The following ZNF771 variants were observed in gnomAD, a reference collection of about 807,000 sequenced individuals.
ZNF771 encodes the protein zinc finger protein 771, also known as mesenchymal stem cell protein DSC43.
A neutral mutation model predicts 27.6 loss-of-function variants in ZNF771; 10 were observed. The ratio of observed to expected loss-of-function variants is 0.36; its 90% CI spans 0.22 to 0.61. ZNF771 has a LOEUF of 0.61. ZNF771 is among the 20% of genes least tolerant of loss of function. ZNF771 has a pLI of 0.70. For missense variants in ZNF771, 438 were observed against 503.7 expected, an observed-to-expected ratio of 0.87 and a Z score of 1.25; for synonymous variants, 261 against 225.2, an observed-to-expected ratio of 1.16 and a Z score of -1.43.
In ZNF771 at chr16:30,408,211, C is replaced by A; in HGVS notation, c.141+17C>A. 1 of 1,613,632 alleles carries A rather than the reference C, an allele frequency of 6.2e-7. No homozygotes were observed. The highest frequency in any genetic ancestry group is 8.5e-7 in the Non-Finnish European group (1 of 1,179,700). On this transcript the variant is annotated intron_variant, in intron 2 of 2. Coordinates refer to ENST00000319296, the MANE Select transcript of ZNF771 (RefSeq NM_001142305.2). ...AACAAGGAGGTATGTGTCACACACA[C>A]CCTGGGGCACACTGTCCCCAAACCT...
intron 2 of ZNF771, among the ~76,000 whole-genome samples, chr16:30,410,856 CAAAAAAAAAA>C (rs71149015): frequency 4.0e-4 from 11 of 27,388 alleles, no homozygotes; most frequent in African/African-American, 1.5e-3. Context: ...CTCATCTCTA[CAAAAAAAAAA>C]AAAAAAAAAA....
chr16:30,412,506 A>G (rs2050109421), intron 2 of ZNF771, among the ~76,000 whole-genome samples: 1 of 152,206 alleles, frequency 6.6e-6, no homozygotes, highest in South Asian at 2.1e-4. Flanking sequence ...GAATTGCATC[A>G]TGGAGGCTGG....
chr16:30,407,996 G>GGT, intron 1 of ZNF771, 49 bp from the exon 2 acceptor site: 1 of 891,272 alleles, frequency 1.1e-6, no homozygotes, highest in East Asian at 3.9e-5. Flanking sequence ...GCGGGGGGGG[G>GGT]GGTGGGGGGG....
rs965502391 is a variant in ZNF771 at position 30,418,555 on chromosome 16, T to C, written c.*188T>C. ...ACAGTGCCCACCCCACATCACTACATTCCCTCGGCCCGTGTTAGTGAATAA... is the reference window on the plus strand; with the variant it reads ...ACAGTGCCCACCCCACATCACTACACTCCCTCGGCCCGTGTTAGTGAATAA... On this transcript the variant is annotated 3_prime_UTR_variant, in exon 3 of 3. Coordinates refer to ENST00000319296, the MANE Select transcript of ZNF771 (RefSeq NM_001142305.2). 1.6e-5 allele frequency: 8 copies of C among 509,252 alleles called. No individual in the cohort carries two copies. Among genetic ancestry groups the C allele is most frequent in the African/African-American group, 1.4e-4 (7 of 49,220 alleles). 31.5% of individuals were successfully genotyped at this position (509,252 alleles called of 1,614,324 possible).
chr16:30,413,651 C>G (rs1379374980), intron 2 of ZNF771: 1 of 398,410 alleles, frequency 2.5e-6, no homozygotes, highest in Non-Finnish European at 5.2e-6. Flanking sequence ...CTCACTGCAG[C>G]CTTGAACTCT....
rs939454012 is a variant in ZNF771, at chr16:30,417,851, G to A, written c.438G>A (p.Pro146=). The stretch of plus-strand genomic sequence containing the variant: ...GGCGGCGGCACACGGGCGAGAAGCC[G>A]TACGCATGCGCGCACTGCGGCCGCC... ...QHRRRHTGEK[P]YACAHCGRRF... Residue 146 remains proline, a synonymous_variant, in exon 3 of 3, where the codon CCG becomes CCA. Coordinates refer to ENST00000319296, the MANE Select transcript of ZNF771 (RefSeq NM_001142305.2). 6.6e-7 allele frequency: 1 copy of A among 1,504,984 alleles called. No homozygotes were observed. Among genetic ancestry groups the A allele is most frequent in the Non-Finnish European group, 8.8e-7 (1 of 1,135,994 alleles). The allele number at this position is 1,504,984 out of a possible 1,614,324, so 93.2% of individuals were successfully genotyped here.
intron 1 of ZNF771, 46 bp downstream of exon 1, chr16:30,407,710 C>A: frequency 5.6e-6 from 1 of 177,784 alleles, no homozygotes; most frequent in Non-Finnish European, 1.2e-5. Flanking sequence ...GATCCCGCCT[C>A]CAGCCCGTGC....
At chr16:30,411,557 G>A (rs547882218) in intron 2 of ZNF771, among the ~76,000 whole-genome samples, 2 of 152,170 alleles carry the variant, frequency 1.3e-5, no homozygotes, top group African/African-American at 2.4e-5. Context: ...TGTAGCGGTC[G>A]TAACTCCACC....
At chr16:30,416,370 G>T (rs2043114084) in intron 2 of ZNF771, among the ~76,000 whole-genome samples, 1 of 152,256 alleles carries the variant, frequency 6.6e-6, no homozygotes, top group South Asian at 2.1e-4. Context: ...ATCCAAAACA[G>T]ATCTCCCCTC....
chr16:30,415,382 CTTTTTTTTT>C (rs397854803), intron 2 of ZNF771, among the ~76,000 whole-genome samples: 2 of 132,220 alleles, frequency 1.5e-5, no homozygotes, highest in Admixed American at 7.7e-5. Flanking sequence ...TGCTGTCACC[CTTTTTTTTT>C]TTTTTTTTTT....
chr16:30,417,487 T>C (rs1269479182), intron 2 of ZNF771, 68 bp from the exon 3 acceptor site: 1 of 1,076,960 alleles, frequency 9.3e-7, no homozygotes, highest in South Asian at 4.7e-5. Flanking sequence ...GGGAGCAGCC[T>C]GTGGAGACCC....
intron 1 of ZNF771, 145 bp downstream of exon 1, chr16:30,407,809 T>C: frequency 2.4e-6 from 1 of 411,984 alleles, no homozygotes. Flanking sequence ...ATTCGAACTG[T>C]TCAAGGCCTT....
rs2050147143 is a variant in ZNF771, at chr16:30,418,113, G to A, written c.700G>A (p.Ala234Thr). ...CACGGGCGAGAAGCCGCACCGCTGC[G>A]CTGTGTGTGGCCGTCGCTTCGGCCA... ...VHTGEKPHRC[A>T]VCGRRFGHRS... is the part of the protein sequence containing the mutation. The change falls in exon 3 of 3, where the codon GCT (alanine) becomes ACT (threonine). Residue 234 changes from alanine (A) to threonine (T), a missense_variant. By Grantham distance (58) the Ala-to-Thr change is moderately conservative. Around this residue, in one of 3 missense-constraint regions of ZNF771, gnomAD observed 305 missense variants for 308.0 expected, o/e 0.99. Transcript: ENST00000319296. 5 of 1,477,738 alleles carry A rather than the reference G, an allele frequency of 3.4e-6. No homozygotes were observed. The highest frequency in any genetic ancestry group is 4.5e-6 in the Non-Finnish European group (5 of 1,121,562). 91.5% of individuals were successfully genotyped at this position (1,477,738 alleles called of 1,614,324 possible).
At chr16:30,412,467 G>A (rs2050109221) in intron 2 of ZNF771, among the ~76,000 whole-genome samples, 1 of 152,210 alleles carries the variant, frequency 6.6e-6, no homozygotes, top group Admixed American at 6.6e-5. Flanking sequence ...AGCTGTGTAA[G>A]TGGCCTCAAA....
At chr16:30,407,836 G>C (rs1242243446) in intron 1 of ZNF771, among the ~76,000 whole-genome samples, 172 bp downstream of exon 1, 2 of 151,952 alleles carry the variant, frequency 1.3e-5, no homozygotes, top group African/African-American at 4.8e-5. Flanking sequence ...TGGGATGAGT[G>C]GGGTGAACGC....
chr16:30,411,685 T>C (rs141507586), intron 2 of ZNF771, among the ~76,000 whole-genome samples: 4 of 152,290 alleles, frequency 2.6e-5, no homozygotes, highest in Admixed American at 6.5e-5. Context: ...ATGGGTGGAA[T>C]TGAGGATTAT....
intron 2 of ZNF771, among the ~76,000 whole-genome samples, chr16:30,411,486 G>A (rs1426475063): frequency 2.6e-5 from 4 of 152,154 alleles, no homozygotes; most frequent in East Asian, 3.8e-4. Context: ...GGGTATGTGC[G>A]GTGAAGGTCT....
intron 2 of ZNF771, among the ~76,000 whole-genome samples, chr16:30,409,595 C>CT (rs2050093622): frequency 6.6e-6 from 1 of 152,196 alleles, no homozygotes; most frequent in African/African-American, 2.4e-5. Flanking sequence ...GGCCGGGACT[C>CT]TGATTCTTCC....
At position 30,417,707 on chromosome 16, in the gene ZNF771, G is replaced by A; in HGVS notation, c.294G>A (p.Arg98=). The A allele has an allele frequency of 7.2e-7, 1 of 1,388,068 alleles. No individual in the cohort carries two copies. 86.0% of individuals were successfully genotyped at this position (1,388,068 alleles called of 1,614,324 possible). ...CCTTCGGGTGCACCGAGTGCGGGCG[G>A]CGCTTCTCACAGAAGTCGGCGCTGA... is the stretch of plus-strand genomic sequence containing the variant. The part of the protein sequence containing the change: ...ERPFGCTECG[R]RFSQKSALTK... Residue 98 remains arginine (R), a synonymous_variant, in exon 3 of 3, where the codon CGG becomes CGA. Coordinates refer to ENST00000319296, the MANE Select transcript of ZNF771 (RefSeq NM_001142305.2).
Sources: gnomAD v4.1 joint callset for allele counts (sites outside exome capture counted in the v4.1 genomes callset) on GRCh38, gnomAD v4.1.1 for gene constraint, gnomAD v4.1.1 regional missense constraint, MANE v1.5 for transcripts, NCBI Gene and HGNC (gene_info 2026-07-23, HGNC 2026-07-21) for gene names.